C8orf34: variants seen among roughly 807,000 people sequenced by gnomAD.
C8orf34 encodes the protein uncharacterized protein C8orf34.
C8orf34 carries 65 observed loss-of-function variants against 68.3 expected under a neutral mutation model. That is an observed-to-expected ratio of 0.95 (90% CI 0.78 to 1.17). The LOEUF is 1.17. Ranked by LOEUF, C8orf34 falls within the 50% of genes most tolerant of loss-of-function variation. The pLI is 0.00. For synonymous variants in C8orf34, 244 were observed against 241.2 expected, an observed-to-expected ratio of 1.01 and a Z score of -0.11; for missense variants, 664 against 655.4, an observed-to-expected ratio of 1.01 and a Z score of -0.14.
intron 12 of C8orf34, among the ~76,000 whole-genome samples, chr8:68,808,299 T>C (rs1015452231): frequency 2.0e-5 from 3 of 152,332 alleles, no homozygotes; most frequent in Non-Finnish European, 4.4e-5. Context: ...TATAGTTCAA[T>C]AAATTTGGGC....
chr8:68,477,217 T>C (rs1425336367), intron 4 of C8orf34, among the ~76,000 whole-genome samples: 5 of 152,230 alleles, frequency 3.3e-5, no homozygotes, highest in Non-Finnish European at 7.3e-5. Context: ...GCTAGAAGTC[T>C]GGGTTACAGA....
chr8:68,499,981 G>A (rs1187422494), intron 5 of C8orf34, among the ~76,000 whole-genome samples: 1 of 152,104 alleles, frequency 6.6e-6, no homozygotes, highest in Non-Finnish European at 1.5e-5. Flanking sequence ...AGATCTGGTT[G>A]TTTAAAAGTA....
chr8:68,635,637 A>G (rs1190729083), intron 7 of C8orf34, among the ~76,000 whole-genome samples: 1 of 152,180 alleles, frequency 6.6e-6, no homozygotes, highest in Non-Finnish European at 1.5e-5. Flanking sequence ...ATTTAGTACA[A>G]TGCTTCTGCA....
intron 7 of C8orf34, chr8:68,535,941 A>G: frequency 1.1e-5 from 10 of 869,810 alleles, no homozygotes; most frequent in African/African-American, 3.6e-5. Context: ...AGATATTTTC[A>G]AATATTTTAG....
At chr8:68,522,449 T>TTGATAACTA (rs1250824910) in intron 6 of C8orf34, among the ~76,000 whole-genome samples, 1 of 152,148 alleles carries the variant, frequency 6.6e-6, no homozygotes, top group East Asian at 1.9e-4. Flanking sequence ...AAGTTTAGAG[T>TTGATAACTA]TGATAACTAT....
At chr8:68,373,603 C>T (rs1018391754) in intron 1 of C8orf34, among the ~76,000 whole-genome samples, 1 of 152,176 alleles carries the variant, frequency 6.6e-6, no homozygotes, top group Non-Finnish European at 1.5e-5. Context: ...AGAACTGTCT[C>T]ATTCTGTTTC....
intron 10 of C8orf34, among the ~76,000 whole-genome samples, chr8:68,747,414 G>T (rs1405097366): frequency 6.7e-6 from 1 of 149,154 alleles, no homozygotes; most frequent in Non-Finnish European, 1.5e-5. Flanking sequence ...GAAATAAAGG[G>T]TATTCAAATA....
intron 8 of C8orf34, among the ~76,000 whole-genome samples, chr8:68,650,477 CTT>C (rs57112362): frequency 1.9e-4 from 23 of 120,808 alleles, no homozygotes; most frequent in African/African-American, 4.3e-4. Flanking sequence ...CCACCCTAGT[CTT>C]TTTTTTTTTT....
intron 10 of C8orf34, among the ~76,000 whole-genome samples, chr8:68,737,164 G>T (rs1212232081): frequency 4.6e-5 from 7 of 152,064 alleles, no homozygotes; most frequent in Non-Finnish European, 8.8e-5. Context: ...GGGTTGGAAA[G>T]CTCTGCCTAA....
At chr8:68,619,659 C>A (rs1034086121) in intron 7 of C8orf34, among the ~76,000 whole-genome samples, 2 of 152,154 alleles carry the variant, frequency 1.3e-5, no homozygotes, top group African/African-American at 4.8e-5. Flanking sequence ...AAGCTAACTT[C>A]TTTGAGGGCA....
chr8:68,481,620 C>T (rs561435245), intron 4 of C8orf34, among the ~76,000 whole-genome samples: 3 of 152,202 alleles, frequency 2.0e-5, no homozygotes, highest in Non-Finnish European at 2.9e-5. Flanking sequence ...CTTACATCAG[C>T]GTGAACTGGA....
At chr8:68,381,560 G>A (rs1486163108) in intron 1 of C8orf34, among the ~76,000 whole-genome samples, 4 of 150,198 alleles carry the variant, frequency 2.7e-5, no homozygotes, top group South Asian at 2.1e-4. Flanking sequence ...GTGAAACCCC[G>A]TCTCTACTAA....
chr8:68,503,373 T>C (rs1048304499), intron 5 of C8orf34, among the ~76,000 whole-genome samples: 6 of 152,156 alleles, frequency 3.9e-5, no homozygotes, highest in Admixed American at 1.3e-4. Flanking sequence ...AGGGGGAATG[T>C]AGAAGCGATG....
intron 1 of C8orf34, among the ~76,000 whole-genome samples, chr8:68,402,177 T>G (rs552005177): frequency 1.3e-5 from 2 of 152,250 alleles, no homozygotes; most frequent in East Asian, 3.9e-4. Context: ...CTGTGGGTTC[T>G]CTAATTTGTG....
At chr8:68,395,539 T>C (rs1465720542) in intron 1 of C8orf34, among the ~76,000 whole-genome samples, 1 of 152,122 alleles carries the variant, frequency 6.6e-6, no homozygotes, top group African/African-American at 2.4e-5. Context: ...ATACTTCTTA[T>C]TTCTGCCTCA....
chr8:68,487,867 TA>T (rs1813144176), intron 4 of C8orf34, among the ~76,000 whole-genome samples, 155 bp from the exon 5 acceptor site: 1 of 152,206 alleles, frequency 6.6e-6, no homozygotes, highest in Admixed American at 6.5e-5. Context: ...TTTTCATTGG[TA>T]AAAGGATGTG....
At chr8:68,789,029 A>G (rs1823919639) in intron 12 of C8orf34, among the ~76,000 whole-genome samples, 1 of 152,222 alleles carries the variant, frequency 6.6e-6, no homozygotes, top group Admixed American at 6.5e-5. Context: ...ATGTGAAAGT[A>G]TTAATAGTGC....
intron 1 of C8orf34, among the ~76,000 whole-genome samples, chr8:68,371,600 T>TC (rs1249315454): frequency 6.6e-6 from 1 of 151,514 alleles, no homozygotes; most frequent in African/African-American, 2.4e-5. Flanking sequence ...TTCATTTCTT[T>TC]CTTTTTTTTT....
chr8:68,348,838 GTTGT>G (rs1324270235), intron 1 of C8orf34, among the ~76,000 whole-genome samples: 16 of 152,058 alleles, frequency 1.1e-4, no homozygotes, highest in African/African-American at 3.4e-4. Flanking sequence ...CTTTGCTGGA[GTTGT>G]TTATCAGTTG....
Sources: allele counts gnomAD v4.1 joint callset (sites outside exome capture counted in the v4.1 genomes callset), GRCh38; gene constraint gnomAD v4.1.1; transcripts MANE v1.5; gene names NCBI Gene and HGNC (gene_info 2026-07-23, HGNC 2026-07-21).